Variants in SRRM1 observed in about 807,000 individuals in gnomAD.
SRRM1 encodes the protein serine/arginine repetitive matrix protein 1.
In SRRM1, 19 loss-of-function variants were observed where a neutral mutation model predicts 110.2. The ratio of observed to expected loss-of-function variants is 0.17; its 90% CI spans 0.12 to 0.25. The LOEUF (loss-of-function observed/expected upper bound fraction) is 0.25. SRRM1 is among the 10% of genes least tolerant of loss of function. SRRM1 has a pLI of 1.00. For synonymous variants in SRRM1, 443 were observed against 414.9 expected (o/e 1.07, Z -0.82); for missense variants, 918 against 1,145.8 (o/e 0.80, Z 2.87).
intron 9 of SRRM1, among the ~76,000 whole-genome samples, chr1:24,656,930 T>C (rs537909946): frequency 7.9e-5 from 12 of 152,324 alleles, no homozygotes; most frequent in African/African-American, 2.2e-4. Context: ...AAGTAAGCCA[T>C]GGTGAAAATA....
chr1:24,649,844 A>G (rs938134372), intron 4 of SRRM1, 127 bp from the exon 5 acceptor site: 33 of 714,560 alleles, frequency 4.6e-5, no homozygotes, highest in Non-Finnish European at 5.6e-5. Flanking sequence ...AAGAAAGAAC[A>G]GGTCTGGTTC....
chr1:24,659,241 G>A (rs970605711), intron 9 of SRRM1, among the ~76,000 whole-genome samples: 4 of 151,690 alleles, frequency 2.6e-5, no homozygotes, highest in African/African-American at 9.7e-5. Flanking sequence ...TCATTGAAAA[G>A]GCATACTGGT....
intron 2 of SRRM1, among the ~76,000 whole-genome samples, chr1:24,646,355 G>C (rs1308423828): frequency 6.6e-6 from 1 of 151,918 alleles, no homozygotes; most frequent in African/African-American, 2.4e-5. Context: ...GTGAAACCCT[G>C]TCTCTACTAA....
At chr1:24,671,122 AAG>A (rs1477464258) in intron 15 of SRRM1, among the ~76,000 whole-genome samples, 4 of 152,214 alleles carry the variant, frequency 2.6e-5, no homozygotes, top group African/African-American at 9.7e-5. Context: ...TTTAGGTAAA[AAG>A]GTCTCAGAAA....
chr1:24,667,608 A>G (rs1440752649), intron 13 of SRRM1, among the ~76,000 whole-genome samples: 1 of 152,242 alleles, frequency 6.6e-6, no homozygotes, highest in East Asian at 1.9e-4. Context: ...ACCAGTATTC[A>G]AAAGTGTCAG....
intron 3 of SRRM1, 186 bp downstream of exon 3, chr1:24,646,975 C>A: frequency 2.3e-6 from 1 of 443,792 alleles, no homozygotes; most frequent in South Asian, 5.8e-5. Flanking sequence ...GTTTTGAAAG[C>A]TACACAGGTG....
intron 14 of SRRM1, 173 bp from the exon 15 acceptor site, chr1:24,669,947 C>A: frequency 1.5e-6 from 1 of 646,900 alleles, no homozygotes; most frequent in Non-Finnish European, 2.7e-6. Flanking sequence ...GGGCTTTAGC[C>A]ACCCTCTGGG....
At chr1:24,659,206 A>G (rs192706203) in intron 9 of SRRM1, among the ~76,000 whole-genome samples, 182 of 152,104 alleles carry the variant, frequency 1.2e-3, no homozygotes, top group Admixed American at 3.1e-3. Flanking sequence ...AAAAAAAAAA[A>G]AGAGAGAGAA....
chr1:24,669,498 G>A lies in SRRM1; in HGVS notation c.2115G>A (p.Ser705=), dbSNP rs764762086. Residue 705 remains serine, a synonymous_variant, in exon 14 of 17, where the codon TCG becomes TCA. Coordinates refer to ENST00000323848, the MANE Select transcript of SRRM1 (RefSeq NM_005839.4). ...SSPPPVRRGA[S]SSPQRRQSPS... ...CTCCACCCGTTCGAAGAGGAGCGTC[G>A]TCATCACCCCAAAGAAGGCAGTCCC... is the stretch of plus-strand genomic sequence containing the variant. 17 of 1,611,622 alleles carry A rather than the reference G, an allele frequency of 1.1e-5. No individual in the cohort carries two copies. The highest frequency in any genetic ancestry group is 8.4e-5 in the Admixed American group (5 of 59,562).
At chr1:24,648,749 C>G in intron 3 of SRRM1, 110 bp from the exon 4 acceptor site, 1 of 902,496 alleles carries the variant, frequency 1.1e-6, no homozygotes, top group Non-Finnish European at 1.7e-6. Context: ...TGTCTAAGCC[C>G]CTATGGTAGA....
chr1:24,669,121 A>G lies in SRRM1; in HGVS notation c.1740-2A>G. ...CAGCTTAATTATGTATCTTTTTCCTAGGACTCCTTCTCCTCCCCCACGTCG... is the reference window on the plus strand; with the variant it reads ...CAGCTTAATTATGTATCTTTTTCCTGGGACTCCTTCTCCTCCCCCACGTCG... On this transcript the variant is annotated splice_acceptor_variant, in intron 13 of 16. Transcript: ENST00000323848. LOFTEE classifies it high-confidence loss of function. The G allele has an allele frequency of 6.2e-7, 1 of 1,601,854 alleles. No individual in the cohort carries two copies. Among genetic ancestry groups the G allele is most frequent in the Non-Finnish European group, 8.5e-7 (1 of 1,172,670 alleles).
chr1:24,645,750 A>G (rs943009812), intron 1 of SRRM1, among the ~76,000 whole-genome samples: 1 of 152,250 alleles, frequency 6.6e-6, no homozygotes, highest in East Asian at 1.9e-4. Context: ...TTTATGCTGT[A>G]TACTGTTGTT....
At chr1:24,647,475 T>A (rs985562392) in intron 3 of SRRM1, 3 of 152,430 alleles carry the variant, frequency 2.0e-5, no homozygotes, top group African/African-American at 7.2e-5. Flanking sequence ...TGGCAGCATA[T>A]AATTGTTCCT....
At chr1:24,643,580 GA>G in intron 1 of SRRM1, 4 of 414,370 alleles carry the variant, frequency 9.7e-6, no homozygotes, top group South Asian at 8.0e-5. Context: ...ACGGTGGCCG[GA>G]AAATGGCGGC....
Position 24,651,962 on chromosome 1 carries a change from G to A in SRRM1, c.725+350G>A, listed in dbSNP as rs373677132. Among the ~76,000 whole-genome samples the A allele has an allele frequency of 6.2e-5, 9 of 146,248 alleles. No homozygotes were observed. In the South Asian group the frequency reaches 2.0e-3, roughly 32 times the overall value. ...GGCACTTGGGGAGGCTGAGGTGGGT[G>A]GATCGCTTGAGCTCACAAGTTAGAG... On this transcript the variant is annotated intron_variant, in intron 6 of 16. Coordinates refer to ENST00000323848, the MANE Select transcript of SRRM1 (RefSeq NM_005839.4).
chr1:24,648,822 A>T (rs1658943902), intron 3 of SRRM1, 37 bp from the exon 4 acceptor site: 1 of 1,597,938 alleles, frequency 6.3e-7, no homozygotes. Flanking sequence ...TTGGTTTTGA[A>T]GTAACCTGTT....
chr1:24,666,416 A>T (rs930262883), intron 12 of SRRM1: 1 of 164,394 alleles, frequency 6.1e-6, no homozygotes, highest in African/African-American at 2.4e-5. Flanking sequence ...GGTTAATGAT[A>T]ATTGAAACCG....
intron 12 of SRRM1, 141 bp downstream of exon 12, chr1:24,662,945 G>T: frequency 8.3e-7 from 1 of 1,200,138 alleles, no homozygotes; most frequent in Non-Finnish European, 1.2e-6. Flanking sequence ...TAGGGTTTCT[G>T]TTTTGTTTTG....
intron 8 of SRRM1, among the ~76,000 whole-genome samples, chr1:24,654,593 A>C (rs199969392): frequency 6.6e-6 from 1 of 152,202 alleles, no homozygotes; most frequent in African/African-American, 2.4e-5. Context: ...TATAGCATTC[A>C]ACCTGACAAG....
Sources: gnomAD v4.1 joint callset for allele counts (sites outside exome capture counted in the v4.1 genomes callset) on GRCh38, gnomAD v4.1.1 for gene constraint, MANE v1.5 for transcripts, NCBI Gene and HGNC (gene_info 2026-07-23, HGNC 2026-07-21) for gene names.